The following BMPR2 variants were observed in gnomAD, a reference collection of about 807,000 sequenced individuals.
BMPR2 encodes the protein bone morphogenetic protein receptor type 2.
Under a neutral mutation model 100.8 loss-of-function variants are expected in BMPR2, and 29 were observed. The observed-to-expected ratio is 0.29, with a 90% CI of 0.21 to 0.39. The LOEUF is 0.39. Ranked by LOEUF, BMPR2 falls within the 10% of genes least tolerant of loss-of-function variation. BMPR2 has a pLI of 1.00. For missense variants in BMPR2, 1,011 were observed against 1,274.5 expected (o/e 0.79, Z 3.15); for synonymous variants, 382 against 442.3 (o/e 0.86, Z 1.71).
At chr2:202,417,747 C>T (rs1218967973) in intron 1 of BMPR2, among the ~76,000 whole-genome samples, 3 of 149,452 alleles carry the variant, frequency 2.0e-5, no homozygotes, top group African/African-American at 7.4e-5. Flanking sequence ...GAGACAGCGT[C>T]TCACTCTGTC....
rs1688546870 is a variant in BMPR2, at chr2:202,555,349, A to G, written c.1684A>G (p.Ile562Val). 5.6e-6 allele frequency: 9 copies of G among 1,614,062 alleles called. No homozygotes were observed. The highest frequency in any genetic ancestry group is 3.3e-5 in the Admixed American group (2 of 60,000). ...IEDSIHHTDSIVKNISSEHSM... is the reference protein window; with the variant it reads ...IEDSIHHTDSVVKNISSEHSM... ...AGACTCTATCCATCATACTGACAGC[A>G]TCGTGAAGAATATTTCCTCTGAGCA... The change falls in exon 12 of 13, where the codon ATC becomes GTC. Residue 562 changes from isoleucine to valine, a missense_variant. Transcript: ENST00000374580.
chr2:202,431,315 G>A (rs1691498812), intron 1 of BMPR2, among the ~76,000 whole-genome samples: 1 of 150,588 alleles, frequency 6.6e-6, no homozygotes, highest in East Asian at 1.9e-4. Context: ...GTTTTTCAAG[G>A]TATTCTGTTG....
At chr2:202,453,592 G>A (rs1346313768) in intron 1 of BMPR2, among the ~76,000 whole-genome samples, 2 of 152,068 alleles carry the variant, frequency 1.3e-5, no homozygotes, top group African/African-American at 4.8e-5. Flanking sequence ...CTTGTTTGTG[G>A]GAGCTCAAAA....
intron 3 of BMPR2, among the ~76,000 whole-genome samples, chr2:202,468,458 G>A (rs562356623): frequency 1.3e-3 from 194 of 152,302 alleles, no homozygotes; most frequent in African/African-American, 4.5e-3. Flanking sequence ...GTGACACAGC[G>A]AGACTCTGTC....
intron 3 of BMPR2, among the ~76,000 whole-genome samples, chr2:202,480,953 TAAAAAAA>T (rs71035011): frequency 4.4e-4 from 19 of 43,346 alleles, no homozygotes; most frequent in African/African-American, 6.1e-4. Context: ...AGACTCCGTC[TAAAAAAA>T]AAAAAAAAAA....
chr2:202,545,857 C>G (rs758732175), intron 10 of BMPR2, among the ~76,000 whole-genome samples: 1 of 152,170 alleles, frequency 6.6e-6, no homozygotes, highest in Non-Finnish European at 1.5e-5. Flanking sequence ...TCCCTGATAG[C>G]AAGTGAGAGG....
chr2:202,531,264 C>T (rs1249226013), intron 8 of BMPR2, among the ~76,000 whole-genome samples: 1 of 152,224 alleles, frequency 6.6e-6, no homozygotes, highest in Non-Finnish European at 1.5e-5. Flanking sequence ...GATTGTGCCA[C>T]TGCACTCCAT....
intron 1 of BMPR2, among the ~76,000 whole-genome samples, chr2:202,401,665 G>T (rs568556524): frequency 6.6e-6 from 1 of 152,196 alleles, no homozygotes; most frequent in East Asian, 1.9e-4. Context: ...TATTTTGGGG[G>T]TTTTATTTTT....
At chr2:202,498,992 A>C (rs1693102598) in intron 3 of BMPR2, among the ~76,000 whole-genome samples, 1 of 152,096 alleles carries the variant, frequency 6.6e-6, no homozygotes, top group African/African-American at 2.4e-5. Context: ...TCCCCTTCCT[A>C]TTAATGATAA....
intron 1 of BMPR2, among the ~76,000 whole-genome samples, chr2:202,389,693 G>A (rs577193604): frequency 1.3e-5 from 2 of 150,214 alleles, no homozygotes; most frequent in African/African-American, 4.9e-5. Flanking sequence ...CCAGGCTGGA[G>A]TGCCATGGCT....
intron 3 of BMPR2, among the ~76,000 whole-genome samples, chr2:202,497,000 C>T (rs576064627): frequency 1.4e-4 from 21 of 152,364 alleles, no homozygotes; most frequent in African/African-American, 4.3e-4. Flanking sequence ...GCCCCGCACT[C>T]GGAGCAGCCG....
chr2:202,514,779 T>C, intron 4 of BMPR2, 109 bp from the exon 5 acceptor site: 1 of 872,464 alleles, frequency 1.1e-6, no homozygotes, highest in Non-Finnish European at 1.8e-6. Flanking sequence ...TAAATCTTGC[T>C]GCTAATCTTT....
chr2:202,566,430 A>G lies in BMPR2; in HGVS notation c.*6484A>G, dbSNP rs1688764573. The stretch of plus-strand genomic sequence containing the variant: ...ATAGATATAATATCAGATTTCATTA[A>G]TTATAAAAAGTTGCCCAGTTCTGTA... On this transcript the variant is annotated 3_prime_UTR_variant, in exon 13 of 13. Transcript: ENST00000374580. The G allele has an allele frequency of 6.6e-6, 1 of 152,628 alleles. No homozygotes were observed. The highest frequency in any genetic ancestry group is 2.1e-4 in the South Asian group (1 of 4,834). The allele number at this position is 152,628 out of a possible 1,614,324, so 9.5% of individuals were successfully genotyped here.
rs1351965905 is a variant in BMPR2, at chr2:202,488,483, G to A, written c.418+20794G>A. ...ACAAAAAAACAAAAAAACAGAGTCA[G>A]GTTCTCACTCTGTCTCCCAGGCTGG... is the stretch of plus-strand genomic sequence containing the variant. On this transcript the variant is annotated intron_variant, in intron 3 of 12. Coordinates refer to ENST00000374580, the MANE Select transcript of BMPR2 (RefSeq NM_001204.7). Among the ~76,000 whole-genome samples, 6 of 152,240 alleles carry A rather than the reference G, an allele frequency of 3.9e-5. No individual in the cohort carries two copies. The East Asian group carries it at 1.2e-3, about 29-fold the overall frequency.
At chr2:202,508,687 C>G (rs192161280) in intron 3 of BMPR2, among the ~76,000 whole-genome samples, 1 of 152,156 alleles carries the variant, frequency 6.6e-6, no homozygotes, top group African/African-American at 2.4e-5. Flanking sequence ...TGGTTGCTAA[C>G]GCTTAGTGAT....
chr2:202,387,991 T>C (rs1312675334), intron 1 of BMPR2, among the ~76,000 whole-genome samples: 2 of 152,218 alleles, frequency 1.3e-5, no homozygotes, highest in Admixed American at 6.6e-5. Context: ...AATCGTTTTT[T>C]CCTTTGGCTA....
rs1260820214 is a variant in BMPR2 at position 202,471,250 on chromosome 2, A to C, written c.418+3561A>C. 3.3e-5 allele frequency among the ~76,000 whole-genome samples: 5 copies of C among 152,190 alleles called. No individual in the cohort carries two copies. In the East Asian group the frequency reaches 9.6e-4, roughly 29 times the overall value. On this transcript the variant is annotated intron_variant, in intron 3 of 12. Coordinates refer to ENST00000374580, the MANE Select transcript of BMPR2 (RefSeq NM_001204.7). ...AATCATGAGTAGAATGTCAAGTGCC[A>C]ACTGGTAAATGTAGGATTGCTGGAG... is the stretch of plus-strand genomic sequence containing the variant.
chr2:202,473,053 G>T (rs934654002), intron 3 of BMPR2, among the ~76,000 whole-genome samples: 1 of 152,176 alleles, frequency 6.6e-6, no homozygotes, highest in Non-Finnish European at 1.5e-5. Flanking sequence ...ATTTGTTGAA[G>T]TTTAAAGAAA....
chr2:202,414,435 C>T (rs1386688532), intron 1 of BMPR2, among the ~76,000 whole-genome samples: 1 of 152,168 alleles, frequency 6.6e-6, no homozygotes, highest in Non-Finnish European at 1.5e-5. Context: ...AAGTGAATGA[C>T]AGAGTTGCAC....
Sources: gnomAD v4.1 joint callset for allele counts (sites outside exome capture counted in the v4.1 genomes callset) on GRCh38, gnomAD v4.1.1 for gene constraint, MANE v1.5 for transcripts, NCBI Gene and HGNC (gene_info 2026-07-23, HGNC 2026-07-21) for gene names.